EFCAB5: variants seen among roughly 807,000 people sequenced by gnomAD.
The protein encoded by EFCAB5 is EF-hand calcium-binding domain-containing protein 5.
In EFCAB5, 131 loss-of-function variants were observed where a neutral mutation model predicts 167.9. That is an observed-to-expected ratio of 0.78 (90% CI 0.68 to 0.90). The LOEUF (loss-of-function observed/expected upper bound fraction) is 0.90, where lower values mean the gene tolerates loss of function less well. Among genes scored for constraint, EFCAB5 ranks in the 40% least tolerant of loss-of-function variants. EFCAB5 has a pLI of 0.00. For missense variants in EFCAB5, 1,663 were observed against 1,745.2 expected, an observed-to-expected ratio of 0.95 and a Z score of 0.84; for synonymous variants, 574 against 602.8, an observed-to-expected ratio of 0.95 and a Z score of 0.70.
intron 7 of EFCAB5, among the ~76,000 whole-genome samples, chr17:30,021,590 A>G (rs1479695494): frequency 3.3e-5 from 5 of 151,710 alleles, no homozygotes; most frequent in African/African-American, 1.2e-4. Flanking sequence ...AGTTTTCCTG[A>G]AATTTCCCAC....
At position 30,053,509 on chromosome 17, in the gene EFCAB5, C is replaced by T; in HGVS notation, c.1555C>T (p.Gln519Ter). ...QRGVTAEQGP[Q>*]RISIEEQQQG... ...AGGAGTAACTGCAGAACAAGGACCA[C>T]AAAGAATTTCAATTGAAGAACAACA... The change falls in exon 10 of 23, where the codon CAA becomes TAA. Residue 519 changes from glutamine to a stop codon, truncating the protein, a stop_gained. Coordinates refer to ENST00000394835, the MANE Select transcript of EFCAB5 (RefSeq NM_198529.4). LOFTEE classifies it high-confidence loss of function. The T allele has an allele frequency of 1.2e-6, 2 of 1,613,914 alleles. No homozygotes were observed. Among genetic ancestry groups the T allele is most frequent in the South Asian group, 1.1e-5 (1 of 91,074 alleles).
At chr17:29,996,285 TTC>T in intron 5 of EFCAB5, 25 bp from the exon 6 acceptor site, 1 of 1,536,300 alleles carries the variant, frequency 6.5e-7, no homozygotes, top group Non-Finnish European at 8.8e-7. Flanking sequence ...TATGGTTTCT[TTC>T]TTTTTTTCCT....
intron 1 of EFCAB5, among the ~76,000 whole-genome samples, chr17:29,930,854 G>A (rs2067183038): frequency 6.6e-6 from 1 of 152,118 alleles, no homozygotes. Flanking sequence ...GAAGCTGAGC[G>A]CGCCTGGGAG....
chr17:30,000,423 T>C (rs2068636873), intron 7 of EFCAB5, among the ~76,000 whole-genome samples: 1 of 152,210 alleles, frequency 6.6e-6, no homozygotes, highest in Non-Finnish European at 1.5e-5. Flanking sequence ...TTAGTAAAAC[T>C]GGGAAAATTT....
At chr17:29,971,645 A>AAT (rs1297074400) in intron 4 of EFCAB5, among the ~76,000 whole-genome samples, 1 of 152,214 alleles carries the variant, frequency 6.6e-6, no homozygotes, top group Non-Finnish European at 1.5e-5. Flanking sequence ...TTTTCACCTT[A>AAT]GATTCCTTAA....
At chr17:30,051,277 C>T (rs775265569) in intron 9 of EFCAB5, 60 bp downstream of exon 9, 1 of 1,384,658 alleles carries the variant, frequency 7.2e-7, no homozygotes, top group Non-Finnish European at 1.0e-6. Flanking sequence ...CTGATATGTA[C>T]TGATATGATA....
chr17:30,002,618 A>G (rs80288116), intron 7 of EFCAB5, among the ~76,000 whole-genome samples: 177 of 152,318 alleles, frequency 1.2e-3, no homozygotes, highest in African/African-American at 4.1e-3. Context: ...TCAAGATGAG[A>G]AGAAAAGTCT....
At chr17:30,014,101 A>G (rs1356239305) in intron 7 of EFCAB5, among the ~76,000 whole-genome samples, 1 of 152,090 alleles carries the variant, frequency 6.6e-6, no homozygotes, top group Non-Finnish European at 1.5e-5. Flanking sequence ...GTTTCCACGT[A>G]GTTGTGTGGT....
At chr17:30,051,502 T>C (rs2070096371) in intron 9 of EFCAB5, among the ~76,000 whole-genome samples, 1 of 152,222 alleles carries the variant, frequency 6.6e-6, no homozygotes, top group Admixed American at 6.5e-5. Flanking sequence ...AATGAAGAAA[T>C]GCTTTAGTGA....
At position 29,942,225 on chromosome 17, in the gene EFCAB5, CTGTT is replaced by C. The variant is rs2067308977; in HGVS notation, c.43-12_43-9del. On this transcript the variant is annotated splice_polypyrimidine_tract_variant and intron_variant, in intron 1 of 22. Transcript: ENST00000394835. ...TCTTTTTGGATGCCATTTACTAACA[CTGTT>C]TGCATTTCAGGAAAACAGAAAAGAA... The C allele has an allele frequency of 3.8e-6, 6 of 1,575,104 alleles. No homozygotes were observed. The highest frequency in any genetic ancestry group is 5.2e-6 in the Non-Finnish European group (6 of 1,160,254).
intron 8 of EFCAB5, among the ~76,000 whole-genome samples, chr17:30,048,653 A>G (rs1193506664): frequency 6.6e-6 from 1 of 151,884 alleles, no homozygotes; most frequent in East Asian, 1.9e-4. Context: ...ATGCCTGGCT[A>G]ATTTTTATAT....
chr17:30,075,192 T>G (rs1045230645), intron 14 of EFCAB5, among the ~76,000 whole-genome samples: 4 of 152,182 alleles, frequency 2.6e-5, no homozygotes, highest in Non-Finnish European at 4.4e-5. Flanking sequence ...TATATGGAAC[T>G]AATCTCCCAT....
chr17:30,100,765 C>CA (rs539073517), intron 22 of EFCAB5, among the ~76,000 whole-genome samples: 57,723 of 142,158 alleles, frequency 0.41, 13,235 homozygotes, highest in East Asian at 0.81. Flanking sequence ...AGACTCCGTT[C>CA]AAAAAAAAAA....
intron 14 of EFCAB5, chr17:30,068,811 C>T: frequency 7.3e-7 from 1 of 1,364,064 alleles, no homozygotes; most frequent in Non-Finnish European, 1.0e-6. Context: ...CTCACAGTGG[C>T]AAACTGAGAG....
chr17:30,081,014 G>C (rs757588292), intron 17 of EFCAB5, 33 bp downstream of exon 17: 3 of 1,539,208 alleles, frequency 1.9e-6, no homozygotes, highest in Non-Finnish European at 2.7e-6. Flanking sequence ...AGCGATGGTA[G>C]GATGGCCTCT....
chr17:30,077,372 C>T (rs561923307), intron 14 of EFCAB5, among the ~76,000 whole-genome samples: 46 of 151,844 alleles, frequency 3.0e-4, no homozygotes, highest in Admixed American at 1.2e-3. Flanking sequence ...TGTGCATATG[C>T]GTGTGTGCAT....
intron 3 of EFCAB5, among the ~76,000 whole-genome samples, chr17:29,962,334 A>C (rs2067736404): frequency 6.6e-6 from 1 of 152,030 alleles, no homozygotes; most frequent in African/African-American, 2.4e-5. Flanking sequence ...CTTTCTATTT[A>C]TTTATGTTTT....
At chr17:30,103,303 A>G (rs1050175264) in intron 22 of EFCAB5, among the ~76,000 whole-genome samples, 2 of 151,444 alleles carry the variant, frequency 1.3e-5, no homozygotes, top group South Asian at 2.1e-4. Context: ...TTTGGAGGCC[A>G]CTACATTAAA....
rs546812118 is a variant in EFCAB5, at chr17:29,969,082, T to C, written c.482T>C (p.Phe161Ser). ...AGGGATAATTTGGCCAAAGAGTGGT[T>C]TAATACTGACAGCATGACACTGAAT... ...LPRDNLAKEW[F>S]NTDSMTLNNT... Residue 161 changes from phenylalanine to serine, a missense_variant, in exon 4 of 23, where the codon TTT (phenylalanine) becomes TCT (serine). Phe to Ser is a radical substitution (Grantham distance 155). Coordinates refer to ENST00000394835, the MANE Select transcript of EFCAB5 (RefSeq NM_198529.4). The C allele has an allele frequency of 4.3e-6, 7 of 1,613,468 alleles. No individual in the cohort carries two copies. The highest frequency in any genetic ancestry group is 3.3e-5 in the Admixed American group (2 of 59,946).
Sources: allele counts gnomAD v4.1 joint callset (sites outside exome capture counted in the v4.1 genomes callset), GRCh38; gene constraint gnomAD v4.1.1; transcripts MANE v1.5; gene names NCBI Gene and HGNC (gene_info 2026-07-23, HGNC 2026-07-21).